The following TENM4 variants were observed in gnomAD, a reference collection of about 807,000 sequenced individuals.
The protein encoded by TENM4 is teneurin-4.
TENM4 carries 82 observed loss-of-function variants against 243.3 expected under a neutral mutation model. The observed-to-expected ratio is 0.34, with a 90% CI of 0.28 to 0.40. The LOEUF is 0.40. Ranked by LOEUF, TENM4 falls within the 10% of genes least tolerant of loss-of-function variation. The probability of loss-of-function intolerance (pLI) is 1.00; values close to 1 mark genes in which losing one functional copy is unlikely to be tolerated. For missense variants in TENM4, 3,138 were observed against 3,673.3 expected, an observed-to-expected ratio of 0.85 and a Z score of 3.77; for synonymous variants, 1,412 against 1,456.3, an observed-to-expected ratio of 0.97 and a Z score of 0.69.
intron 12 of TENM4, among the ~76,000 whole-genome samples, chr11:78,818,415 T>C (rs920332879): frequency 1.3e-5 from 2 of 152,240 alleles, no homozygotes; most frequent in African/African-American, 2.4e-5. Context: ...CCTGACAGCA[T>C]AGAAGCCTGT....
At position 79,077,517 on chromosome 11, in the gene TENM4, A is replaced by G. The variant is rs561214262; in HGVS notation, c.-65-7508T>C. 5.9e-5 allele frequency among the ~76,000 whole-genome samples: 9 copies of G among 152,362 alleles called. No individual in the cohort carries two copies. In the South Asian group the frequency reaches 1.4e-3, roughly 25 times the overall value. ...ACACACATCTACAATTTTTTTAACT[A>G]AAACAAAAATTTCATGAAAAGATGC... On this transcript the variant is annotated intron_variant, in intron 4 of 33. Coordinates refer to ENST00000278550, the MANE Select transcript of TENM4 (RefSeq NM_001098816.3).
At position 78,658,207 on chromosome 11, in the gene TENM4, T is replaced by A. The variant is rs754226607; in HGVS notation, c.8161A>T (p.Thr2721Ser). Residue 2721 changes from threonine to serine, a missense_variant, in exon 34 of 34, where the codon ACA becomes TCA. By Grantham distance (58) the Thr-to-Ser change is moderately conservative (BLOSUM62 1). This residue lies in a region of TENM4 where 2,467 missense variants were observed against 3,059.1 expected (regional missense o/e 0.81). Coordinates refer to ENST00000278550, the MANE Select transcript of TENM4 (RefSeq NM_001098816.3). ...AGCACCTGCTGCTTCTCCCCCTCTGTCCAGGCCCGCAGGCCTTCCTCCCCT... is the reference window on the plus strand; with the variant it reads ...AGCACCTGCTGCTTCTCCCCCTCTGACCAGGCCCGCAGGCCTTCCTCCCCT... ...REGEEGLRAW[T>S]EGEKQQVLST... 1 of 1,614,026 alleles carries A rather than the reference T, an allele frequency of 6.2e-7. No homozygotes were observed. Among genetic ancestry groups the A allele is most frequent in the East Asian group, 2.2e-5 (1 of 44,884 alleles).
chr11:78,903,648 G>A (rs1855993694), intron 6 of TENM4, 125 bp from the exon 7 acceptor site: 2 of 1,390,906 alleles, frequency 1.4e-6, no homozygotes, highest in Admixed American at 2.1e-5. Context: ...TATTGATGCA[G>A]TCAATCAGTA....
intron 2 of TENM4, among the ~76,000 whole-genome samples, chr11:79,268,028 G>T (rs1290617301): frequency 1.3e-5 from 2 of 152,192 alleles, no homozygotes; most frequent in African/African-American, 4.8e-5. Flanking sequence ...TAACATCAGT[G>T]TAAAGAAGGA....
At chr11:79,025,491 G>A (rs1859055757) in intron 6 of TENM4, among the ~76,000 whole-genome samples, 1 of 152,172 alleles carries the variant, frequency 6.6e-6, no homozygotes, top group South Asian at 2.1e-4. Flanking sequence ...CCAAGGCCAT[G>A]GAGACAGCAT....
rs546744320 is a variant in TENM4 at position 78,962,642 on chromosome 11, T to C, written c.494-59119A>G. 2.0e-5 allele frequency among the ~76,000 whole-genome samples: 3 copies of C among 152,274 alleles called. No homozygotes were observed. In the South Asian group the frequency reaches 6.2e-4, roughly 32 times the overall value. ...TTCTGCCTGTTCTTTAAGACATACC[T>C]GAAAACCCGGGGTCTAGTCCTGACG... On this transcript the variant is annotated intron_variant, in intron 6 of 33. Transcript: ENST00000278550.
At chr11:78,931,549 C>T (rs531320136) in intron 6 of TENM4, among the ~76,000 whole-genome samples, 1 of 152,332 alleles carries the variant, frequency 6.6e-6, no homozygotes, top group East Asian at 1.9e-4. Context: ...AGGAAGGAAA[C>T]ACCTTTATCA....
chr11:79,423,289 C>T (rs1858974565), intron 1 of TENM4, among the ~76,000 whole-genome samples: 1 of 152,040 alleles, frequency 6.6e-6, no homozygotes, highest in Non-Finnish European at 1.5e-5. Context: ...AAATCAGTTG[C>T]AACCCCCACC....
chr11:79,391,596 T>C (rs1195950810), intron 1 of TENM4, among the ~76,000 whole-genome samples: 1 of 152,028 alleles, frequency 6.6e-6, no homozygotes, highest in African/African-American at 2.4e-5. Context: ...AAAGGTTGGG[T>C]TTTTTTTATA....
At chr11:79,209,709 G>A (rs1169082332) in intron 3 of TENM4, among the ~76,000 whole-genome samples, 1 of 152,176 alleles carries the variant, frequency 6.6e-6, no homozygotes, top group Non-Finnish European at 1.5e-5. Flanking sequence ...GTTACCAGTG[G>A]CCACTGCAGC....
chr11:79,009,011 C>T (rs1411275984), intron 6 of TENM4, among the ~76,000 whole-genome samples: 3 of 152,096 alleles, frequency 2.0e-5, no homozygotes, highest in Admixed American at 1.3e-4. Flanking sequence ...GGATTAATAG[C>T]AAAGGTGAAC....
intron 12 of TENM4, among the ~76,000 whole-genome samples, chr11:78,838,101 G>T (rs999012555): frequency 1.3e-5 from 2 of 151,970 alleles, no homozygotes; most frequent in African/African-American, 4.8e-5. Context: ...TTAACTTGAA[G>T]GATTCTAACT....
At chr11:79,430,577 G>A (rs1745953212) in intron 1 of TENM4, among the ~76,000 whole-genome samples, 1 of 152,222 alleles carries the variant, frequency 6.6e-6, no homozygotes, top group African/African-American at 2.4e-5. Context: ...CCCAGGCATG[G>A]AAGACATTTG....
intron 1 of TENM4, among the ~76,000 whole-genome samples, chr11:79,304,620 G>C (rs1327886135): frequency 3.9e-5 from 6 of 152,138 alleles, no homozygotes; most frequent in Non-Finnish European, 1.5e-5. Flanking sequence ...AGCAGTCATG[G>C]TGGTGTGAAG....
At chr11:78,779,249 T>C (rs188189581) in intron 16 of TENM4, among the ~76,000 whole-genome samples, 1 of 152,346 alleles carries the variant, frequency 6.6e-6, no homozygotes, top group Non-Finnish European at 1.5e-5. Flanking sequence ...GAATGCAAAA[T>C]GCTTAGCGTT....
At chr11:79,199,770 G>A (rs891528633) in intron 3 of TENM4, among the ~76,000 whole-genome samples, 10 of 152,168 alleles carry the variant, frequency 6.6e-5, no homozygotes, top group Non-Finnish European at 8.8e-5. Context: ...AACATGTCCC[G>A]GAGGGTTTAG....
chr11:78,968,761 G>C (rs574426156), intron 6 of TENM4, among the ~76,000 whole-genome samples: 3 of 152,164 alleles, frequency 2.0e-5, no homozygotes, highest in Admixed American at 2.0e-4. Context: ...AATTGTCTAT[G>C]GTCGTAAGGC....
chr11:79,278,033 T>C (rs1275490692), intron 2 of TENM4, among the ~76,000 whole-genome samples: 2 of 152,168 alleles, frequency 1.3e-5, no homozygotes, highest in Non-Finnish European at 2.9e-5. Context: ...TGAGGCAGCA[T>C]AGCAAAAACA....
In TENM4 at chr11:79,046,452, C is replaced by G. The variant is rs529323354; in HGVS notation, c.493+18286G>C. Reference sequence around the variant, plus strand: ...TCTGTTATGGGATGAACTCTCCCCCCCAAAAAAACGACAAGTTGAAGTGCT... The same window carrying G: ...TCTGTTATGGGATGAACTCTCCCCCGCAAAAAAACGACAAGTTGAAGTGCT... On this transcript the variant is annotated intron_variant, in intron 6 of 33. Coordinates refer to ENST00000278550, the MANE Select transcript of TENM4 (RefSeq NM_001098816.3). Among the ~76,000 whole-genome samples, 46 of 149,244 alleles carry G rather than the reference C, an allele frequency of 3.1e-4. No homozygotes were observed. The South Asian group carries it at 8.9e-3, about 29-fold the overall frequency.
Sources: allele counts gnomAD v4.1 joint callset (sites outside exome capture counted in the v4.1 genomes callset), GRCh38; gene constraint gnomAD v4.1.1; regional missense constraint gnomAD v4.1.1; transcripts MANE v1.5; gene names NCBI Gene and HGNC (gene_info 2026-07-23, HGNC 2026-07-21).